The following FBXO11 variants were observed in gnomAD, a reference collection of about 807,000 sequenced individuals.
FBXO11 encodes the protein F-box only protein 11.
Under a neutral mutation model 117.0 loss-of-function variants are expected in FBXO11, and 13 were observed. The observed-to-expected ratio is 0.11, with a 90% CI of 0.07 to 0.18. The LOEUF is 0.18. Among genes scored for constraint, FBXO11 ranks in the 10% least tolerant of loss-of-function variants. FBXO11 has a pLI of 1.00. For synonymous variants in FBXO11, 490 were observed against 380.5 expected, an observed-to-expected ratio of 1.29 and a Z score of -3.35; for missense variants, 767 against 1,164.4, an observed-to-expected ratio of 0.66 and a Z score of 4.97.
chr2:47,836,878 G>A (rs547920546), intron 4 of FBXO11: 1 of 347,120 alleles, frequency 2.9e-6, no homozygotes, highest in South Asian at 2.2e-5. Flanking sequence ...TAACCTCCCA[G>A]GTTCAAGTGA....
intron 16 of FBXO11, among the ~76,000 whole-genome samples, chr2:47,818,159 CATAATG>C (rs1448851892): frequency 6.6e-6 from 1 of 152,104 alleles, no homozygotes; most frequent in Non-Finnish European, 1.5e-5. Context: ...CCATAACAGA[CATAATG>C]ATAATGAAAA....
chr2:47,859,041 CAA>C (rs11337552), intron 1 of FBXO11, among the ~76,000 whole-genome samples: 4,039 of 103,168 alleles, frequency 0.039, 87 homozygotes, highest in African/African-American at 0.1. Flanking sequence ...ACTCTGTCTC[CAA>C]AAAAAAAAAA....
chr2:47,865,728 G>T (rs1279888620), intron 1 of FBXO11: 1 of 152,130 alleles, frequency 6.6e-6, no homozygotes, highest in South Asian at 2.1e-4. Flanking sequence ...GACACTGGTG[G>T]AAACAACATG....
intron 1 of FBXO11, among the ~76,000 whole-genome samples, chr2:47,843,223 G>A (rs1673146100): frequency 6.6e-6 from 1 of 152,190 alleles, no homozygotes; most frequent in Non-Finnish European, 1.5e-5. Flanking sequence ...AATATGACCA[G>A]TAAACGTCCT....
intron 1 of FBXO11, among the ~76,000 whole-genome samples, chr2:47,857,784 G>A (rs1271095476): frequency 6.6e-6 from 1 of 152,194 alleles, no homozygotes; most frequent in African/African-American, 2.4e-5. Flanking sequence ...ATACAAAACT[G>A]GCAGACGCAG....
intron 1 of FBXO11, among the ~76,000 whole-genome samples, chr2:47,867,865 TA>T (rs555016180): frequency 6.6e-6 from 1 of 152,268 alleles, no homozygotes; most frequent in South Asian, 2.1e-4. Context: ...TTTGAGGCTT[TA>T]AAAAAACCCA....
rs1558425696 is a variant in FBXO11 at position 47,834,651 on chromosome 2, T to C, written c.862A>G (p.Ile288Val). 1.9e-6 allele frequency: 3 copies of C among 1,610,140 alleles called. No individual in the cohort carries two copies. Among genetic ancestry groups the C allele is most frequent in the Non-Finnish European group, 2.5e-6 (3 of 1,177,502 alleles). ...GTATATATTCCAGAATGAACAAAGA[T>C]AAGTCCATCAAAATGAGCCTCTTGT... The part of the protein sequence containing the change: ...GVQEAHFDGL[I>V]FVHSGIYTDE... The change falls in exon 7 of 23, where the codon ATC becomes GTC. Residue 288 changes from isoleucine (I) to valine (V), a missense_variant. Transcript: ENST00000403359.
At position 47,839,516 on chromosome 2, in the gene FBXO11, A is replaced by G; in HGVS notation, c.361-16T>C. On this transcript the variant is annotated splice_polypyrimidine_tract_variant and intron_variant, in intron 2 of 22. Transcript: ENST00000403359. ...TTGAGGCGCCCTTCAAAAACAAAAC[A>G]GAAACTAGTAAAGCAAATATTCTTA... is the stretch of plus-strand genomic sequence containing the variant. 6.2e-7 allele frequency: 1 copy of G among 1,612,364 alleles called. No homozygotes were observed. Among genetic ancestry groups the G allele is most frequent in the Non-Finnish European group, 8.5e-7 (1 of 1,179,502 alleles).
At chr2:47,834,369 G>C (rs1271419939) in intron 7 of FBXO11, among the ~76,000 whole-genome samples, 1 of 151,834 alleles carries the variant, frequency 6.6e-6, no homozygotes, top group Admixed American at 6.6e-5. Flanking sequence ...AAAAAGGTTG[G>C]GGGGGGCGGG....
At chr2:47,817,870 G>C (rs1458022679) in intron 16 of FBXO11, among the ~76,000 whole-genome samples, 1 of 152,240 alleles carries the variant, frequency 6.6e-6, no homozygotes, top group Non-Finnish European at 1.5e-5. Flanking sequence ...TGATCAGGGT[G>C]GGTGTGGTGG....
chr2:47,816,501 T>C (rs1251074197), intron 16 of FBXO11, among the ~76,000 whole-genome samples: 1 of 152,228 alleles, frequency 6.6e-6, no homozygotes, highest in Non-Finnish European at 1.5e-5. Context: ...ATGTTCTTAA[T>C]GAAATCTGGA....
intron 1 of FBXO11, among the ~76,000 whole-genome samples, chr2:47,846,829 C>T (rs925206705): frequency 6.6e-6 from 1 of 152,006 alleles, no homozygotes; most frequent in Non-Finnish European, 1.5e-5. Context: ...GTATGTGTAA[C>T]ACAGCATGCC....
chr2:47,842,027 T>TA (rs887712063), intron 1 of FBXO11, among the ~76,000 whole-genome samples: 1 of 149,642 alleles, frequency 6.7e-6, no homozygotes, highest in Non-Finnish European at 1.5e-5. Flanking sequence ...TTTTATTTTT[T>TA]TTTTTTGAGA....
intron 11 of FBXO11, among the ~76,000 whole-genome samples, chr2:47,825,989 C>G (rs542277359): frequency 6.6e-6 from 1 of 152,224 alleles, no homozygotes; most frequent in South Asian, 2.1e-4. Context: ...TATTCAAATG[C>G]AAGGGATAAT....
At chr2:47,847,575 G>A (rs1673515180) in intron 1 of FBXO11, among the ~76,000 whole-genome samples, 1 of 152,036 alleles carries the variant, frequency 6.6e-6, no homozygotes, top group South Asian at 2.1e-4. Context: ...AAGGCATGGT[G>A]GCATACGCCT....
chr2:47,888,091 G>T (rs1218601575), intron 1 of FBXO11, among the ~76,000 whole-genome samples: 2 of 140,960 alleles, frequency 1.4e-5, no homozygotes, highest in Admixed American at 1.4e-4. Context: ...GATTTCTAGG[G>T]TGCCAGGCAC....
intron 1 of FBXO11, among the ~76,000 whole-genome samples, chr2:47,901,730 T>G (rs1489048266): frequency 1.3e-5 from 2 of 152,202 alleles, no homozygotes; most frequent in Admixed American, 6.5e-5. Flanking sequence ...AGCACTTCTG[T>G]AGACTTGTAA....
intron 4 of FBXO11, among the ~76,000 whole-genome samples, chr2:47,838,415 CTT>C (rs1672758210): frequency 6.8e-6 from 1 of 147,102 alleles, no homozygotes; most frequent in East Asian, 2.0e-4. Context: ...GCAAAAAAAA[CTT>C]TTCAGAAGTA....
intron 1 of FBXO11, among the ~76,000 whole-genome samples, chr2:47,849,562 C>G (rs1025110401): frequency 6.6e-6 from 1 of 152,192 alleles, no homozygotes; most frequent in African/African-American, 2.4e-5. Context: ...ATTGTATTTG[C>G]TCTTCAAGAG....
Sources: gnomAD v4.1 joint callset for allele counts (sites outside exome capture counted in the v4.1 genomes callset) on GRCh38, gnomAD v4.1.1 for gene constraint, MANE v1.5 for transcripts, NCBI Gene and HGNC (gene_info 2026-07-23, HGNC 2026-07-21) for gene names.